Variants in OR2L13 observed in about 807,000 individuals in gnomAD.
The protein encoded by OR2L13 is olfactory receptor family 2 subfamily L member 13.
In OR2L13, 14 loss-of-function variants were observed where a neutral mutation model predicts 15.3. The observed-to-expected ratio is 0.91, with a 90% CI of 0.60 to 1.43. OR2L13 has a LOEUF of 1.43. OR2L13 is among the 40% of genes most tolerant of loss of function. The pLI is 0.00. For missense variants in OR2L13, 367 were observed against 387.9 expected, an observed-to-expected ratio of 0.95 and a Z score of 0.45; for synonymous variants, 152 against 142.9, an observed-to-expected ratio of 1.06 and a Z score of -0.45.
At chr1:247,966,627 AT>A in the OR2L13 span, among the ~76,000 whole-genome samples, 2 of 152,204 alleles carry the variant, frequency 1.3e-5, no homozygotes, top group African/African-American at 4.8e-5. Context: ...TGCATAATTC[AT>A]TTATTCCTTC....
chr1:247,993,668 G>A, the OR2L13 span, among the ~76,000 whole-genome samples: 2 of 150,552 alleles, frequency 1.3e-5, no homozygotes, highest in Admixed American at 6.6e-5. Context: ...GGTGAAAAAA[G>A]TAGATATGAT....
the OR2L13 span, among the ~76,000 whole-genome samples, chr1:248,056,897 G>C: frequency 3.2e-3 from 479 of 151,934 alleles, 8 homozygotes; most frequent in African/African-American, 0.011. Flanking sequence ...CAATCTGCCC[G>C]CCTTGGCCTC....
At chr1:247,963,474 T>A in the OR2L13 span, among the ~76,000 whole-genome samples, 1 of 152,192 alleles carries the variant, frequency 6.6e-6, no homozygotes, top group African/African-American at 2.4e-5. Context: ...CAGTGGAGTC[T>A]TTGTTCCTTG....
the OR2L13 span, among the ~76,000 whole-genome samples, chr1:248,075,985 T>C: frequency 6.6e-6 from 1 of 152,232 alleles, no homozygotes; most frequent in Non-Finnish European, 1.5e-5. Flanking sequence ...GTTTTAGGTC[T>C]AACATTTAAG....
chr1:248,047,638 G>T, the OR2L13 span, among the ~76,000 whole-genome samples: 3 of 152,202 alleles, frequency 2.0e-5, no homozygotes, highest in South Asian at 4.1e-4. Flanking sequence ...TTTCTTTCGG[G>T]ACACAAGGTA....
chr1:248,022,826 C>A, the OR2L13 span: 5 of 1,613,716 alleles, frequency 3.1e-6, no homozygotes, highest in South Asian at 1.1e-5. Context: ...GCCTGAGAAA[C>A]AAGGAGGTGA....
chr1:247,953,127 A>G, the OR2L13 span, among the ~76,000 whole-genome samples: 121,492 of 152,156 alleles, frequency 0.8, 52,703 homozygotes, highest in South Asian at 0.95. Flanking sequence ...ACTGTCATTT[A>G]CTACATTGTT....
the OR2L13 span, among the ~76,000 whole-genome samples, chr1:247,945,908 C>T: frequency 1.5e-4 from 23 of 152,146 alleles, no homozygotes; most frequent in Admixed American, 1.4e-3. Context: ...TGAGATGTGT[C>T]TCTCGAATAC....
the OR2L13 span, among the ~76,000 whole-genome samples, chr1:248,010,763 G>GTTTTTTCTTTTTTTTTTT: frequency 2.2e-5 from 1 of 44,462 alleles, no homozygotes; most frequent in Non-Finnish European, 3.7e-5. Context: ...CTTTGTTGTT[G>GTTTTTTCTTTTTTTTTTT]TTTTTTTTTT....
chr1:248,077,520 C>T, the OR2L13 span, among the ~76,000 whole-genome samples: 1 of 152,122 alleles, frequency 6.6e-6, no homozygotes. Context: ...ATTTCAGAGC[C>T]TGTTATTTGT....
chr1:247,992,375 T>C, the OR2L13 span, among the ~76,000 whole-genome samples: 1 of 152,338 alleles, frequency 6.6e-6, no homozygotes, highest in East Asian at 1.9e-4. Context: ...TTTGAAGTTA[T>C]ATGCAGATAT....
the OR2L13 span, among the ~76,000 whole-genome samples, chr1:247,951,197 G>C: frequency 2.6e-5 from 4 of 152,092 alleles, no homozygotes; most frequent in Non-Finnish European, 5.9e-5. Flanking sequence ...CATCTTTGTA[G>C]TATAGTTTGA....
the OR2L13 span, among the ~76,000 whole-genome samples, chr1:248,074,579 C>T: frequency 6.6e-6 from 1 of 152,056 alleles, no homozygotes. Context: ...AGGAACAGAA[C>T]ACTAAATAGT....
At chr1:248,021,879 G>A in the OR2L13 span, 2 of 1,281,208 alleles carry the variant, frequency 1.6e-6, no homozygotes, top group Non-Finnish European at 2.2e-6. Flanking sequence ...AACCCCTGCA[G>A]ATAATGGGGA....
At chr1:247,994,269 C>A in the OR2L13 span, among the ~76,000 whole-genome samples, 358 of 152,172 alleles carry the variant, frequency 2.4e-3, 2 homozygotes, top group African/African-American at 7.7e-3. Flanking sequence ...TGGTGGCGGG[C>A]GCCTGTAGTC....
chr1:248,073,515 T>C, the OR2L13 span, among the ~76,000 whole-genome samples: 184 of 152,104 alleles, frequency 1.2e-3, no homozygotes, highest in African/African-American at 4.3e-3. Flanking sequence ...TTAGGAGATA[T>C]ACCTAATGCT....
chr1:248,011,688 A>C, the OR2L13 span, among the ~76,000 whole-genome samples: 1 of 152,160 alleles, frequency 6.6e-6, no homozygotes, highest in East Asian at 1.9e-4. Flanking sequence ...GCAAATTTTC[A>C]ATATATAATG....
the OR2L13 span, among the ~76,000 whole-genome samples, chr1:248,068,590 A>G: frequency 3.3e-5 from 5 of 152,252 alleles, no homozygotes; most frequent in Admixed American, 2.0e-4. Context: ...CTCCAAAGGA[A>G]CACAGTTCCT....
At chr1:248,004,182 A>G in the OR2L13 span, 1 of 849,104 alleles carries the variant, frequency 1.2e-6, no homozygotes, top group Non-Finnish European at 1.7e-6. Context: ...AATCAACAGA[A>G]GAAAAAAAAA....
Sources: gnomAD v4.1 joint callset for allele counts (sites outside exome capture counted in the v4.1 genomes callset) on GRCh38, gnomAD v4.1.1 for gene constraint, MANE v1.5 for transcripts, NCBI Gene and HGNC (gene_info 2026-07-23, HGNC 2026-07-21) for gene names.